The following ARHGAP20 variants were observed in gnomAD, a reference collection of about 807,000 sequenced individuals.
ARHGAP20 encodes rho GTPase-activating protein 20.
In ARHGAP20, 34 loss-of-function variants were observed where a neutral mutation model predicts 73.7. The ratio of observed to expected loss-of-function variants is 0.46; its 90% CI spans 0.35 to 0.61. ARHGAP20 has a LOEUF of 0.61. ARHGAP20 is among the 20% of genes least tolerant of loss of function. ARHGAP20 has a pLI of 0.00. For missense variants in ARHGAP20, 1,314 were observed against 1,420.9 expected, an observed-to-expected ratio of 0.92 and a Z score of 1.21; for synonymous variants, 523 against 518.2, an observed-to-expected ratio of 1.01 and a Z score of -0.13.
At chr11:110,610,279 C>CTA (rs764852390) in intron 7 of ARHGAP20, among the ~76,000 whole-genome samples, 36 of 148,948 alleles carry the variant, frequency 2.4e-4, no homozygotes, top group Non-Finnish European at 4.3e-4. Context: ...AAAGGGCTTA[C>CTA]TATAGTACTG....
intron 2 of ARHGAP20, among the ~76,000 whole-genome samples, chr11:110,681,794 G>C (rs1950042222): frequency 6.6e-6 from 1 of 152,158 alleles, no homozygotes; most frequent in South Asian, 2.1e-4. Flanking sequence ...GCAAATGGCT[G>C]CTTTCCTAAT....
chr11:110,683,345 T>C (rs1472885362), intron 2 of ARHGAP20, among the ~76,000 whole-genome samples: 1 of 152,090 alleles, frequency 6.6e-6, no homozygotes, highest in African/African-American at 2.4e-5. Flanking sequence ...AAGAAACATT[T>C]TGTTAAAAAA....
chr11:110,686,336 T>A (rs1950131416), intron 2 of ARHGAP20, among the ~76,000 whole-genome samples: 1 of 152,056 alleles, frequency 6.6e-6, no homozygotes, highest in African/African-American at 2.4e-5. Flanking sequence ...CTAATACATC[T>A]ATATTTAAAT....
At position 110,697,092 on chromosome 11, in the gene ARHGAP20, T is replaced by C. The variant is rs1192424631; in HGVS notation, c.106-6463A>G. Among the ~76,000 whole-genome samples, 3 of 151,852 alleles carry C rather than the reference T, an allele frequency of 2.0e-5. No homozygotes were observed. The East Asian group carries it at 5.8e-4, about 29-fold the overall frequency. On this transcript the variant is annotated intron_variant, in intron 1 of 14. Transcript: ENST00000683387. ...TTTATAACATAATGATTTCTTTTCC[T>C]TTGTGTAGATACCCAGTAGTGGGAT... is the stretch of plus-strand genomic sequence containing the variant.
chr11:110,653,004 C>G (rs997579136), intron 2 of ARHGAP20, among the ~76,000 whole-genome samples: 1 of 152,150 alleles, frequency 6.6e-6, no homozygotes, highest in Non-Finnish European at 1.5e-5. Flanking sequence ...GCTGGGAGAA[C>G]TGGCTAGCCA....
chr11:110,589,190 T>C (rs1490177138), intron 11 of ARHGAP20, among the ~76,000 whole-genome samples: 1 of 152,250 alleles, frequency 6.6e-6, no homozygotes, highest in Non-Finnish European at 1.5e-5. Context: ...TACATATTTT[T>C]ACATATGCAT....
chr11:110,583,751 AATTACTCTTTAAGCAAGAC>A lies in ARHGAP20; in HGVS notation c.1416-33_1416-15del, dbSNP rs756425566. 2 of 1,535,484 alleles carry A rather than the reference AATTACTCTTTAAGCAAGAC, an allele frequency of 1.3e-6. No homozygotes were observed. Among genetic ancestry groups the A allele is most frequent in the East Asian group, 4.6e-5 (2 of 43,646 alleles). On this transcript the variant is annotated splice_polypyrimidine_tract_variant and intron_variant, in intron 12 of 14. Coordinates refer to ENST00000683387, the MANE Select transcript of ARHGAP20 (RefSeq NM_001384657.1). ...TGGTCTAATAGCCTAAAGACAGAAA[AATTACTCTTTAAGCAAGAC>A]ATTTCATTCAAAAACTTGTAAAGAC...
At position 110,712,373 on chromosome 11, in the gene ARHGAP20, G is replaced by C. The variant is rs1477807153; in HGVS notation, c.-142C>G. 2.2e-5 allele frequency: 12 copies of C among 553,900 alleles called. No homozygotes were observed. The highest frequency in any genetic ancestry group is 5.9e-5 in the African/African-American group (3 of 50,476). The allele number at this position is 553,900 out of a possible 1,614,324, so 34.3% of individuals were successfully genotyped here. A position where few individuals can be genotyped will look rare whatever the true frequency, so the allele number is the denominator to read the frequency against. On this transcript the variant is annotated 5_prime_UTR_variant, in exon 1 of 15. Transcript: ENST00000683387. ...GGGAGCCGAGCTCCGGGTGCTCGCC[G>C]CGCGCCTCCCGTCGGGGCCATGTAC...
intron 2 of ARHGAP20, among the ~76,000 whole-genome samples, chr11:110,674,638 A>T (rs146589675): frequency 6.6e-6 from 1 of 152,296 alleles, no homozygotes; most frequent in Admixed American, 6.5e-5. Flanking sequence ...CATTATATAT[A>T]TATATGCAAA....
At chr11:110,685,425 T>C (rs1950113153) in intron 2 of ARHGAP20, among the ~76,000 whole-genome samples, 1 of 152,074 alleles carries the variant, frequency 6.6e-6, no homozygotes. Flanking sequence ...ATGAAAGATG[T>C]CTGTCACATT....
At chr11:110,693,672 T>C (rs1433912322) in intron 1 of ARHGAP20, among the ~76,000 whole-genome samples, 1 of 151,944 alleles carries the variant, frequency 6.6e-6, no homozygotes, top group Admixed American at 6.6e-5. Context: ...ACAAATTCAC[T>C]GATCTCTTAA....
In ARHGAP20 at chr11:110,577,856, G is replaced by GA; in HGVS notation, c.*1513dup. 3.0e-6 allele frequency: 3 copies of GA among 985,626 alleles called. No homozygotes were observed. The highest frequency in any genetic ancestry group is 2.4e-6 in the Non-Finnish European group (2 of 829,790). The allele number at this position is 985,626 out of a possible 1,614,324, so 61.1% of individuals were successfully genotyped here. The stretch of plus-strand genomic sequence containing the variant: ...AGAAAATATTTTTTCCCCTATAACT[G>GA]AAAATGCAACCTTTAGAACAAAAAA... On this transcript the variant is annotated 3_prime_UTR_variant, in exon 15 of 15. Transcript: ENST00000683387.
intron 2 of ARHGAP20, among the ~76,000 whole-genome samples, chr11:110,664,809 G>T (rs1204317232): frequency 6.6e-6 from 1 of 151,436 alleles, no homozygotes; most frequent in Non-Finnish European, 1.5e-5. Context: ...GGGTAAATAT[G>T]AAAAAAGATA....
At chr11:110,638,825 G>A (rs1949021686) in intron 2 of ARHGAP20, among the ~76,000 whole-genome samples, 2 of 151,812 alleles carry the variant, frequency 1.3e-5, no homozygotes, top group African/African-American at 2.4e-5. Context: ...GCAGGAAGGG[G>A]AACATCACAC....
intron 3 of ARHGAP20, among the ~76,000 whole-genome samples, chr11:110,629,861 T>G (rs534834088): frequency 6.6e-6 from 1 of 152,334 alleles, no homozygotes; most frequent in African/African-American, 2.4e-5. Context: ...TTGAGGGCTC[T>G]CGTGAAGGCT....
At chr11:110,585,102 AAT>A (rs1947624077) in intron 12 of ARHGAP20, among the ~76,000 whole-genome samples, 1 of 150,152 alleles carries the variant, frequency 6.7e-6, no homozygotes. Flanking sequence ...TGAATATATG[AAT>A]ATATGTGAAT....
In ARHGAP20 at chr11:110,579,279, C is replaced by T; in HGVS notation, c.*91G>A. The T allele has an allele frequency of 6.8e-7, 1 of 1,461,794 alleles. No individual in the cohort carries two copies. Among genetic ancestry groups the T allele is most frequent in the Non-Finnish European group, 9.0e-7 (1 of 1,106,362 alleles). The allele number at this position is 1,461,794 out of a possible 1,614,324, so 90.6% of individuals were successfully genotyped here. ...AATGATAATCCTTATGCTACCTCTC[C>T]CAGGTATCTTATACAAAGGGGTCAT... On this transcript the variant is annotated 3_prime_UTR_variant, in exon 15 of 15. Coordinates refer to ENST00000683387, the MANE Select transcript of ARHGAP20 (RefSeq NM_001384657.1).
chr11:110,579,822 CA>C lies in ARHGAP20; in HGVS notation c.3123del (p.Val1042TrpfsTer4), dbSNP rs1239047421. On this transcript the variant is annotated frameshift_variant, in exon 15 of 15. Coordinates refer to ENST00000683387, the MANE Select transcript of ARHGAP20 (RefSeq NM_001384657.1). LOFTEE classifies it low-confidence loss of function (END_TRUNC). ...TLHPSTWLRNGVASLKNWSLK... is the reference protein window; with the variant it reads ...TLHPSTWLRNXVASLKNWSLK... ...AGGGACCAGTTTTTCAAACTGGCCACACCATTTCTCAACCATGTGCTGGGAT... is the reference window on the plus strand; with the variant it reads ...AGGGACCAGTTTTTCAAACTGGCCACCCATTTCTCAACCATGTGCTGGGAT... 1 of 1,614,066 alleles carries C rather than the reference CA, an allele frequency of 6.2e-7. No individual in the cohort carries two copies. The highest frequency in any genetic ancestry group is 8.5e-7 in the Non-Finnish European group (1 of 1,180,048).
At chr11:110,615,674 A>G in intron 4 of ARHGAP20, 80 bp from the exon 5 acceptor site, 1 of 1,302,796 alleles carries the variant, frequency 7.7e-7, no homozygotes, top group South Asian at 1.3e-5. Flanking sequence ...GTCAATCCAG[A>G]TGAAAATATC....
Sources: gnomAD v4.1 joint callset for allele counts (sites outside exome capture counted in the v4.1 genomes callset) on GRCh38, gnomAD v4.1.1 for gene constraint, MANE v1.5 for transcripts, NCBI Gene and HGNC (gene_info 2026-07-23, HGNC 2026-07-21) for gene names.